IL17RC: variants seen among roughly 807,000 people sequenced by gnomAD.
The protein encoded by IL17RC is interleukin 17 receptor C.
In IL17RC, 53 loss-of-function variants were observed where a neutral mutation model predicts 86.7. The ratio of observed to expected loss-of-function variants is 0.61; its 90% CI spans 0.49 to 0.77. The LOEUF is 0.77. Ranked by LOEUF, IL17RC falls within the 30% of genes least tolerant of loss-of-function variation. The pLI is 0.00. For missense variants in IL17RC, 957 were observed against 940.0 expected, an observed-to-expected ratio of 1.02 and a Z score of -0.24; for synonymous variants, 439 against 413.1, an observed-to-expected ratio of 1.06 and a Z score of -0.76.
At chr3:9,927,221 C>T in intron 9 of IL17RC, among the ~76,000 whole-genome samples, 1 of 133,122 alleles carries the variant, frequency 7.5e-6, no homozygotes, top group East Asian at 2.2e-4. Flanking sequence ...GCACATTCCC[C>T]AACACATAGC....
intron 13 of IL17RC, 46 bp downstream of exon 13, chr3:9,929,943 G>A (rs2084496231): frequency 6.2e-7 from 1 of 1,613,842 alleles, no homozygotes; most frequent in South Asian, 1.1e-5. Flanking sequence ...CCTCCTAGGG[G>A]TGAAGGTCAG....
intron 6 of IL17RC, 48 bp downstream of exon 6, chr3:9,920,650 C>T (rs762448584): frequency 7.9e-7 from 1 of 1,258,590 alleles, no homozygotes. Context: ...TCCCCTCTGG[C>T]CATTCCCCCT....
At chr3:9,918,132 C>A (rs1162455089) in intron 3 of IL17RC, 57 bp downstream of exon 3, 2 of 1,523,206 alleles carry the variant, frequency 1.3e-6, no homozygotes, top group East Asian at 2.5e-5. Flanking sequence ...CTGGGGTGGG[C>A]ATGAGGGCCA....
At chr3:9,920,462 G>T (rs113844533) in intron 5 of IL17RC, 29 bp from the exon 6 acceptor site, 52 of 1,445,834 alleles carry the variant, frequency 3.6e-5, no homozygotes, top group Non-Finnish European at 4.0e-5. Context: ...GCCCTGCACC[G>T]CCAGCCTTCC....
In IL17RC at chr3:9,933,435, C is replaced by T. The variant is rs767852728; in HGVS notation, c.2005C>T (p.Pro669Ser). 1.2e-6 allele frequency: 2 copies of T among 1,613,076 alleles called. No individual in the cohort carries two copies. Among genetic ancestry groups the T allele is most frequent in the Non-Finnish European group, 1.7e-6 (2 of 1,179,832 alleles). Reference protein sequence around the residue: ...LPDFLGALQQPRAPRSGRLQE... With the variant: ...LPDFLGALQQSRAPRSGRLQE... ...AGACTTCCTGGGGGCCCTGCAGCAG[C>T]CTCGCGCCCCGCGTTCCGGGCGGCT... The change falls in exon 19 of 19, where the codon CCT becomes TCT. Residue 669 changes from proline to serine, a missense_variant. Transcript: ENST00000403601.
Position 9,930,249 on chromosome 3 carries a change from A to G in IL17RC, c.1278+100A>G, listed in dbSNP as rs1392797431. 2.6e-6 allele frequency: 4 copies of G among 1,559,006 alleles called. No homozygotes were observed. The highest frequency in any genetic ancestry group is 1.2e-5 in the South Asian group (1 of 86,224). ...CCACCCTGTGCCGGTCTCTGGGAAC[A>G]TGGGGGGTGACTCAGACCAGGGCCA... is the stretch of plus-strand genomic sequence containing the variant. On this transcript the variant is annotated intron_variant, in intron 14 of 18. Coordinates refer to ENST00000403601, the MANE Select transcript of IL17RC (RefSeq NM_153460.4). This position sits in a 1 kb window ranked among gnomAD's most constrained non-coding sequence, Gnocchi z 5.8.
rs1443802198 is a variant in IL17RC at position 9,930,147 on chromosome 3, A to G, written c.1276A>G (p.Thr426Ala). The G allele has an allele frequency of 6.2e-7, 1 of 1,613,810 alleles. No homozygotes were observed. Among genetic ancestry groups the G allele is most frequent in the East Asian group, 2.2e-5 (1 of 44,894 alleles). The change falls in exon 14 of 19, where the codon ACG becomes GCG. Residue 426 changes from threonine to alanine, a missense_variant and splice_region_variant. Transcript: ENST00000403601. This position sits in a 1 kb window ranked among gnomAD's most constrained non-coding sequence, Gnocchi z 5.8. The part of the protein sequence containing the change: ...GCTSLPSKAS[T>A]RAARLGEYLL... ...TACTTCACTACCCAGCAAAGCCTCC[A>G]CGGTTAGGACTGGGCGACCCTCCTC...
chr3:9,926,102 C>T (rs569413796), intron 9 of IL17RC, among the ~76,000 whole-genome samples: 4 of 146,604 alleles, frequency 2.7e-5, no homozygotes, highest in East Asian at 2.0e-4. Context: ...GGCGTGATCT[C>T]GGCTCACTGC....
chr3:9,928,306 C>A lies in IL17RC; in HGVS notation c.879C>A (p.Asp293Glu), dbSNP rs1438138208. 2.5e-6 allele frequency: 4 copies of A among 1,607,464 alleles called. No homozygotes were observed. Among genetic ancestry groups the A allele is most frequent in the South Asian group, 1.1e-5 (1 of 90,562 alleles). Reference protein sequence around the residue: ...VRTNICPFREDPRAHQNLWQA... With the variant: ...VRTNICPFREEPRAHQNLWQA... ...GGTGACTGTGCCCTTTCCTTGCAGA[C>A]CCCCGCGCACACCAGAACCTCTGGC... The change falls in exon 11 of 19, where the codon GAC (aspartate) becomes GAA (glutamate). Residue 293 changes from aspartate to glutamate, a missense_variant and splice_region_variant. Coordinates refer to ENST00000403601, the MANE Select transcript of IL17RC (RefSeq NM_153460.4).
At chr3:9,929,776 G>A (rs1056592823) in intron 12 of IL17RC, 76 bp from the exon 13 acceptor site, 1 of 1,538,434 alleles carries the variant, frequency 6.5e-7, no homozygotes, top group African/African-American at 1.4e-5. Flanking sequence ...GCCTTCTGTT[G>A]CCTGCCCCAT....
At chr3:9,917,533 GTC>G (rs1559287268) in intron 1 of IL17RC, 113 bp downstream of exon 1, 3 of 1,614,172 alleles carry the variant, frequency 1.9e-6, no homozygotes, top group Non-Finnish European at 1.7e-6. Flanking sequence ...GCCCTGTCTG[GTC>G]TGTCTGGTGC....
rs2125281532 is a variant in IL17RC at position 9,930,804 on chromosome 3, G to T, written c.1339-91G>T. The T allele has an allele frequency of 1.1e-5, 13 of 1,131,226 alleles. No individual in the cohort carries two copies. In the South Asian group the frequency reaches 1.2e-4, roughly 11 times the overall value. The allele number at this position is 1,131,226 out of a possible 1,614,324, so 70.1% of individuals were successfully genotyped here. A position where few individuals can be genotyped will look rare whatever the true frequency, so the allele number is the denominator to read the frequency against. ...TAGCCGGGAGATATGCATAGTTGAT[G>T]CTGGGAATTTGGAGATCAGGCCACC... On this transcript the variant is annotated intron_variant, in intron 15 of 18. Coordinates refer to ENST00000403601, the MANE Select transcript of IL17RC (RefSeq NM_153460.4). This position sits in a 1 kb window ranked among gnomAD's most constrained non-coding sequence, Gnocchi z 5.8.
chr3:9,933,608 T>A lies in IL17RC; in HGVS notation c.*15T>A. On this transcript the variant is annotated 3_prime_UTR_variant, in exon 19 of 19. Coordinates refer to ENST00000403601, the MANE Select transcript of IL17RC (RefSeq NM_153460.4). ...ACGGGACTTAAATAAAGGCAGACGC[T>A]GTTTTTCTACCCATGTGGCCCACAC... 6.4e-7 allele frequency: 1 copy of A among 1,562,186 alleles called. No individual in the cohort carries two copies. The highest frequency in any genetic ancestry group is 8.6e-7 in the Non-Finnish European group (1 of 1,157,960).
At position 9,932,709 on chromosome 3, in the gene IL17RC, C is replaced by G. The variant is rs1372449707; in HGVS notation, c.1483+6C>G. On this transcript the variant is annotated splice_donor_region_variant and intron_variant, in intron 17 of 18. Transcript: ENST00000403601. ...CAAAAAGGATCACGCGAAAGGTGAG[C>G]GCTTCCCGGCTCCCCATTCCCCTGG... 2.5e-6 allele frequency: 4 copies of G among 1,614,062 alleles called. No individual in the cohort carries two copies. Among genetic ancestry groups the G allele is most frequent in the South Asian group, 1.1e-5 (1 of 91,084 alleles).
Position 9,933,588 on chromosome 3 carries a change from A to G in IL17RC, c.2158A>G (p.Thr720Ala). ...PGAGPGAGDG[T>A] ...CGCGGGACCTGGGGCGGGGGACGGG[A>G]CTTAAATAAAGGCAGACGCTGTTTT... Residue 720 changes from threonine to alanine, a missense_variant, in exon 19 of 19, where the codon ACT (threonine) becomes GCT (alanine). By Grantham distance (58) the Thr-to-Ala change is moderately conservative. Coordinates refer to ENST00000403601, the MANE Select transcript of IL17RC (RefSeq NM_153460.4). 6.3e-7 allele frequency: 1 copy of G among 1,589,646 alleles called. No individual in the cohort carries two copies. The highest frequency in any genetic ancestry group is 1.1e-5 in the South Asian group (1 of 89,174).
chr3:9,917,913 C>T lies in IL17RC; in HGVS notation c.128-10C>T. ...ACAGCTTCAGCTCCCACCCGCTCCTCCACACACAGACAGTGACATACTCTG... is the reference window on the plus strand; with the variant it reads ...ACAGCTTCAGCTCCCACCCGCTCCTTCACACACAGACAGTGACATACTCTG... On this transcript the variant is annotated splice_polypyrimidine_tract_variant and intron_variant, in intron 2 of 18. Transcript: ENST00000403601. 1 of 1,613,188 alleles carries T rather than the reference C, an allele frequency of 6.2e-7. No homozygotes were observed. Among genetic ancestry groups the T allele is most frequent in the South Asian group, 1.1e-5 (1 of 91,080 alleles).
chr3:9,917,248 G>T lies in IL17RC; in HGVS notation c.-68G>T. 1 of 1,265,138 alleles carries T rather than the reference G, an allele frequency of 7.9e-7. No individual in the cohort carries two copies. The highest frequency in any genetic ancestry group is 1.1e-6 in the Non-Finnish European group (1 of 917,246). 78.4% of individuals were successfully genotyped at this position (1,265,138 alleles called of 1,614,324 possible). ...CCACCCACAGACACGGGCTGACTGGGGTGTCTGCCCCCCTTGGGGGGGGGC... is the reference window on the plus strand; with the variant it reads ...CCACCCACAGACACGGGCTGACTGGTGTGTCTGCCCCCCTTGGGGGGGGGC... On this transcript the variant is annotated 5_prime_UTR_variant, in exon 1 of 19. Coordinates refer to ENST00000403601, the MANE Select transcript of IL17RC (RefSeq NM_153460.4).
At chr3:9,923,166 G>A (rs1399867352) in intron 7 of IL17RC, among the ~76,000 whole-genome samples, 26 of 135,806 alleles carry the variant, frequency 1.9e-4, no homozygotes, top group Non-Finnish European at 3.8e-4. Context: ...GACAGAGCCA[G>A]ACTCCATCTC....
intron 8 of IL17RC, 79 bp downstream of exon 8, chr3:9,924,099 G>A: frequency 6.2e-7 from 1 of 1,609,972 alleles, no homozygotes; most frequent in South Asian, 1.1e-5. Context: ...TATCAGAGAG[G>A]ATCCTTGAAG....
Sources: allele counts gnomAD v4.1 joint callset (sites outside exome capture counted in the v4.1 genomes callset), GRCh38; gene constraint gnomAD v4.1.1; non-coding constraint Gnocchi (gnomAD v3.1); transcripts MANE v1.5; gene names NCBI Gene and HGNC (gene_info 2026-07-23, HGNC 2026-07-21).